MPRIP: variants seen among roughly 807,000 people sequenced by gnomAD.
MPRIP encodes myosin phosphatase Rho interacting protein.
A neutral mutation model predicts 234.9 loss-of-function variants in MPRIP; 59 were observed. The ratio of observed to expected loss-of-function variants is 0.25; its 90% CI spans 0.20 to 0.31. The LOEUF is 0.31. Among genes scored for constraint, MPRIP ranks in the 10% least tolerant of loss-of-function variants. MPRIP has a pLI of 1.00. For missense variants in MPRIP, 2,436 were observed against 3,071.0 expected (o/e 0.79, Z 4.89); for synonymous variants, 1,144 against 1,263.9 (o/e 0.91, Z 2.01).
At chr17:17,089,472 T>C (rs1431581322) in intron 3 of MPRIP, among the ~76,000 whole-genome samples, 2 of 152,138 alleles carry the variant, frequency 1.3e-5, no homozygotes, top group African/African-American at 2.4e-5. Flanking sequence ...TTTTCTTTCA[T>C]TTTTTATTTT....
chr17:17,142,299 G>T (rs1365683373), intron 7 of MPRIP: 1 of 254,294 alleles, frequency 3.9e-6, no homozygotes, highest in Non-Finnish European at 7.7e-6. Context: ...TTCCGTGGTG[G>T]TGGTTGCCTT....
chr17:17,091,456 A>G (rs1176387339), intron 3 of MPRIP, among the ~76,000 whole-genome samples: 1 of 152,126 alleles, frequency 6.6e-6, no homozygotes, highest in African/African-American at 2.4e-5. Flanking sequence ...TGAACAGGGC[A>G]GTTGTCAGCG....
chr17:17,111,289 G>T (rs2090166526), intron 3 of MPRIP, among the ~76,000 whole-genome samples: 1 of 149,550 alleles, frequency 6.7e-6, no homozygotes, highest in African/African-American at 2.5e-5. Flanking sequence ...AGCCACTGTA[G>T]GCCAGGCTGC....
chr17:17,125,256 A>G (rs765096852), intron 3 of MPRIP, among the ~76,000 whole-genome samples: 3 of 152,196 alleles, frequency 2.0e-5, no homozygotes, highest in African/African-American at 2.4e-5. Flanking sequence ...CAGGATGCCA[A>G]TGGTGTATGC....
intron 4 of MPRIP, 152 bp from the exon 5 acceptor site, chr17:17,131,465 G>A (rs2090595260): frequency 1.5e-6 from 1 of 648,354 alleles, no homozygotes. Context: ...TCATTGTCCA[G>A]GCTTGCTCTG....
chr17:17,140,053 T>C (rs1015724352), intron 7 of MPRIP, among the ~76,000 whole-genome samples: 22 of 152,224 alleles, frequency 1.4e-4, no homozygotes, highest in Non-Finnish European at 2.9e-4. Context: ...CCAGGACTGA[T>C]GCCAAGGATG....
In MPRIP at chr17:17,167,694, C is replaced by T. The variant is rs1232508912; in HGVS notation, c.6103C>T (p.Leu2035Phe). The change falls in exon 16 of 24, where the codon CTC (leucine) becomes TTC (phenylalanine). Residue 2035 changes from leucine (L) to phenylalanine (F), a missense_variant. Around this residue, in one of 4 missense-constraint regions of MPRIP, gnomAD observed 1,998 missense variants for 2,520.3 expected, o/e 0.79. Transcript: ENST00000651222. This position sits in a 1 kb window ranked among gnomAD's most constrained non-coding sequence, Gnocchi z 5.9. ...SQSLRCLQDT[L>F]CLHQGPHPKA... is the part of the protein sequence containing the mutation. ...GAGCCTGAGGTGCCTTCAGGACACC[C>T]TCTGCCTCCACCAGGGGCCACACCC... The T allele has an allele frequency of 1.6e-5, 21 of 1,304,078 alleles. No individual in the cohort carries two copies. In the East Asian group the frequency reaches 9.4e-4, roughly 59 times the overall value. The allele number at this position is 1,304,078 out of a possible 1,614,324, so 80.8% of individuals were successfully genotyped here.
Position 17,165,252 on chromosome 17 carries a change from A to G in MPRIP, c.3661A>G (p.Ser1221Gly), listed in dbSNP as rs2045958982. Residue 1221 changes from serine (S) to glycine (G), a missense_variant, in exon 16 of 24, where the codon AGT (serine) becomes GGT (glycine). Physicochemically the swap from Ser to Gly is moderately conservative, Grantham distance 56. This residue lies in a region of MPRIP where 1,998 missense variants were observed against 2,520.3 expected (regional missense o/e 0.79). Coordinates refer to ENST00000651222, the MANE Select transcript of MPRIP (RefSeq NM_001364716.4). ...AKEEILRKFASESPKDMEEPR... is the reference protein window; with the variant it reads ...AKEEILRKFAGESPKDMEEPR... ...AGAAGAGATTTTAAGGAAATTTGCAAGTGAATCTCCAAAGGACATGGAAGA... is the reference window on the plus strand; with the variant it reads ...AGAAGAGATTTTAAGGAAATTTGCAGGTGAATCTCCAAAGGACATGGAAGA... The G allele has an allele frequency of 7.7e-7, 1 of 1,304,136 alleles. No homozygotes were observed. The highest frequency in any genetic ancestry group is 1.0e-6 in the Non-Finnish European group (1 of 988,970). 80.8% of individuals were successfully genotyped at this position (1,304,136 alleles called of 1,614,324 possible).
rs1261057692 is a variant in MPRIP at position 17,189,925 on chromosome 17, G to C, written c.*5031G>C. 3 of 152,224 alleles carry C rather than the reference G, an allele frequency of 2.0e-5. No individual in the cohort carries two copies. The highest frequency in any genetic ancestry group is 2.0e-4 in the Admixed American group (3 of 15,280). 9.4% of individuals were successfully genotyped at this position (152,224 alleles called of 1,614,324 possible). A position where few individuals can be genotyped will look rare whatever the true frequency, so the allele number is the denominator to read the frequency against. Reference sequence around the variant, plus strand: ...AAGAGCCCACTTTCTAAAAGGACTTGGGAAGAAAGCTGCTGGGAACTTGCT... The same window carrying C: ...AAGAGCCCACTTTCTAAAAGGACTTCGGAAGAAAGCTGCTGGGAACTTGCT... On this transcript the variant is annotated 3_prime_UTR_variant, in exon 24 of 24. Coordinates refer to ENST00000651222, the MANE Select transcript of MPRIP (RefSeq NM_001364716.4).
chr17:17,066,887 G>A (rs761381877), intron 1 of MPRIP, among the ~76,000 whole-genome samples: 24 of 151,640 alleles, frequency 1.6e-4, no homozygotes, highest in Non-Finnish European at 3.2e-4. Flanking sequence ...CTCCCACGTA[G>A]CTGGGCCTCT....
At position 17,170,142 on chromosome 17, in the gene MPRIP, C is replaced by A. The variant is rs140468652; in HGVS notation, c.6325-1576C>A. ...AATGATACAGAGAAGATTAGTATGGCCCCTTTACAAGGATGACACACAAAT... is the reference window on the plus strand; with the variant it reads ...AATGATACAGAGAAGATTAGTATGGACCCTTTACAAGGATGACACACAAAT... On this transcript the variant is annotated intron_variant, in intron 16 of 23. Coordinates refer to ENST00000651222, the MANE Select transcript of MPRIP (RefSeq NM_001364716.4). 9.3e-5 allele frequency: 14 copies of A among 150,760 alleles called. No individual in the cohort carries two copies. The East Asian group carries it at 2.7e-3, about 29-fold the overall frequency. 9.3% of individuals were successfully genotyped at this position (150,760 alleles called of 1,614,324 possible). A position where few individuals can be genotyped will look rare whatever the true frequency, so the allele number is the denominator to read the frequency against.
intron 17 of MPRIP, among the ~76,000 whole-genome samples, chr17:17,172,162 C>G (rs2046152331): frequency 6.6e-6 from 1 of 152,246 alleles, no homozygotes. Flanking sequence ...TGACCAGTGT[C>G]AGTCCAGCCA....
At position 17,154,475 on chromosome 17, in the gene MPRIP, G is replaced by A. The variant is rs1484996313; in HGVS notation, c.1829+60G>A. ...CCTCTTGTGGGTGCCACTCCCGCCA[G>A]GGCAGTGTCAGACTCAGGTCTGAAG... On this transcript the variant is annotated intron_variant, in intron 13 of 23. Coordinates refer to ENST00000651222, the MANE Select transcript of MPRIP (RefSeq NM_001364716.4). The A allele has an allele frequency of 3.9e-5, 56 of 1,445,446 alleles. 1 individual carries two copies. The highest frequency in any genetic ancestry group is 3.3e-4 in the South Asian group (29 of 87,224). 89.5% of individuals were successfully genotyped at this position (1,445,446 alleles called of 1,614,324 possible). A position where few individuals can be genotyped will look rare whatever the true frequency, so the allele number is the denominator to read the frequency against.
chr17:17,157,327 C>T (rs544555582), intron 13 of MPRIP, among the ~76,000 whole-genome samples: 46 of 152,334 alleles, frequency 3.0e-4, no homozygotes, highest in African/African-American at 1.1e-3. Context: ...GCACGACCTG[C>T]GCAGCTCATG....
Position 17,166,281 on chromosome 17 carries a change from C to T in MPRIP, c.4690C>T (p.Leu1564Phe), listed in dbSNP as rs538255967. ...GTTGACAGAGCAGGAGCAGGTGAGG[C>T]TTCTTTCTGACCAGATTGCTCTGGA... ...SELTEQEQVR[L>F]LSDQIALEAS... The change falls in exon 16 of 24, where the codon CTT (leucine) becomes TTT (phenylalanine). Residue 1564 changes from leucine to phenylalanine, a missense_variant. Transcript: ENST00000651222. This position sits in a 1 kb window ranked among gnomAD's most constrained non-coding sequence, Gnocchi z 4.4. 3.3e-4 allele frequency: 427 copies of T among 1,304,338 alleles called. 5 individuals carry two copies. In the South Asian group the frequency reaches 5.0e-3, roughly 15 times the overall value. 80.8% of individuals were successfully genotyped at this position (1,304,338 alleles called of 1,614,324 possible).
intron 23 of MPRIP, chr17:17,180,649 G>A (rs758095974): frequency 5.6e-6 from 9 of 1,613,826 alleles, no homozygotes; most frequent in Admixed American, 3.3e-5. Context: ...AAATGCACCC[G>A]CTTCCCGGCC....
intron 3 of MPRIP, among the ~76,000 whole-genome samples, chr17:17,079,114 CAT>C (rs1407991775): frequency 3.3e-5 from 5 of 152,120 alleles, no homozygotes; most frequent in Admixed American, 2.0e-4. Flanking sequence ...TTACAGCTCA[CAT>C]GTGCAAAGGT....
At chr17:17,163,923 C>G (rs1233077461) in intron 15 of MPRIP, among the ~76,000 whole-genome samples, 186 bp from the exon 16 acceptor site, 2 of 111,942 alleles carry the variant, frequency 1.8e-5, no homozygotes, top group Non-Finnish European at 3.9e-5. Context: ...GAAGCAGCTA[C>G]TTACTAAAAA....
intron 1 of MPRIP, among the ~76,000 whole-genome samples, chr17:17,054,647 A>G (rs1390832534): frequency 6.6e-6 from 1 of 151,870 alleles, no homozygotes; most frequent in Non-Finnish European, 1.5e-5. Flanking sequence ...CCACACAGGC[A>G]GTGGGTGCAG....
Sources: allele counts gnomAD v4.1 joint callset (sites outside exome capture counted in the v4.1 genomes callset), GRCh38; gene constraint gnomAD v4.1.1; regional missense constraint gnomAD v4.1.1; non-coding constraint Gnocchi (gnomAD v3.1); transcripts MANE v1.5; gene names NCBI Gene and HGNC (gene_info 2026-07-23, HGNC 2026-07-21).